LRFN5: variants seen among roughly 807,000 people sequenced by gnomAD.
The protein encoded by LRFN5 is leucine-rich repeat and fibronectin type-III domain-containing protein 5.
A neutral mutation model predicts 45.6 loss-of-function variants in LRFN5; 24 were observed. The ratio of observed to expected loss-of-function variants is 0.53; its 90% confidence interval spans 0.38 to 0.74. The LOEUF is 0.74. LRFN5 is among the 30% of genes least tolerant of loss of function. The probability of loss-of-function intolerance (pLI) is 0.00; values close to 1 mark genes in which losing one functional copy is unlikely to be tolerated. For synonymous variants in LRFN5, 340 were observed against 313.8 expected (o/e 1.08, Z -0.88); for missense variants, 776 against 861.5 (o/e 0.90, Z 1.24).
intron 1 of LRFN5, among the ~76,000 whole-genome samples, chr14:41,609,806 G>C (rs1196278380): frequency 6.6e-6 from 1 of 152,316 alleles, no homozygotes. Context: ...GGGGCTGCTG[G>C]GGGGCGGGGG....
At chr14:41,752,906 A>G (rs1029431263) in intron 1 of LRFN5, among the ~76,000 whole-genome samples, 3 of 152,162 alleles carry the variant, frequency 2.0e-5, no homozygotes, top group African/African-American at 7.2e-5. Context: ...TAGGTTTAAC[A>G]TTTAAGTCTT....
chr14:41,878,695 A>G (rs1890271018), intron 2 of LRFN5, among the ~76,000 whole-genome samples: 1 of 152,186 alleles, frequency 6.6e-6, no homozygotes, highest in South Asian at 2.1e-4. Context: ...TGTGTTGCTT[A>G]CATTTAACTA....
rs60722886 is a variant in LRFN5, at chr14:41,739,385, AATCATC to A, written c.-196-27435_-196-27430del. 9.7e-3 allele frequency among the ~76,000 whole-genome samples: 1,439 copies of A among 148,418 alleles called. 18 individuals carry two copies. The highest frequency in any genetic ancestry group is 0.029 in the African/African-American group (1,148 of 40,246). ...GAGTGGCAGAGCCAGACATTGTGTC[AATCATC>A]ATCATCATCATCATCATCATCATCA... On this transcript the variant is annotated intron_variant, in intron 1 of 5. Coordinates refer to ENST00000298119, the MANE Select transcript of LRFN5 (RefSeq NM_152447.5).
chr14:41,659,398 T>G (rs915957911), intron 1 of LRFN5, among the ~76,000 whole-genome samples: 2 of 152,142 alleles, frequency 1.3e-5, no homozygotes, highest in African/African-American at 4.8e-5. Context: ...TTTTTAAGGC[T>G]GCATAGTATT....
intron 1 of LRFN5, among the ~76,000 whole-genome samples, chr14:41,614,304 A>C (rs1887860059): frequency 6.6e-6 from 1 of 152,074 alleles, no homozygotes; most frequent in African/African-American, 2.4e-5. Context: ...ATTAATATTT[A>C]CAAATATTTT....
At chr14:41,853,818 G>A (rs1201839510) in intron 2 of LRFN5, among the ~76,000 whole-genome samples, 1 of 152,108 alleles carries the variant, frequency 6.6e-6, no homozygotes, top group Non-Finnish European at 1.5e-5. Flanking sequence ...GTATAGCAAT[G>A]TTTAGATACC....
At chr14:41,612,017 C>T (rs957108542) in intron 1 of LRFN5, among the ~76,000 whole-genome samples, 10 of 152,134 alleles carry the variant, frequency 6.6e-5, no homozygotes, top group African/African-American at 2.4e-4. Context: ...TGTTTTATCA[C>T]TCTTTCATCT....
At chr14:41,656,332 C>T (rs1324507681) in intron 1 of LRFN5, among the ~76,000 whole-genome samples, 1 of 151,982 alleles carries the variant, frequency 6.6e-6, no homozygotes, top group Non-Finnish European at 1.5e-5. Context: ...TTATGCTAAT[C>T]CTACCCACTT....
chr14:41,707,601 AAATAT>A (rs891764797), intron 1 of LRFN5, among the ~76,000 whole-genome samples: 5 of 152,110 alleles, frequency 3.3e-5, no homozygotes, highest in African/African-American at 4.8e-5. Flanking sequence ...ATATATACTA[AAATAT>A]ACTTCTGGAC....
chr14:41,724,673 A>G (rs1883855922), intron 1 of LRFN5, among the ~76,000 whole-genome samples: 1 of 152,154 alleles, frequency 6.6e-6, no homozygotes, highest in South Asian at 2.1e-4. Context: ...ATTTTCAAGA[A>G]TGTGTTATGA....
At chr14:41,766,110 C>T (rs895461345) in intron 1 of LRFN5, among the ~76,000 whole-genome samples, 2 of 152,062 alleles carry the variant, frequency 1.3e-5, no homozygotes, top group Non-Finnish European at 2.9e-5. Context: ...AATTACAATG[C>T]TTTTATTAAT....
In LRFN5 at chr14:41,723,417, C is replaced by T. The variant is rs552287900; in HGVS notation, c.-196-43437C>T. Among the ~76,000 whole-genome samples the T allele has an allele frequency of 2.6e-5, 4 of 152,310 alleles. 1 individual carries two copies. Among genetic ancestry groups the T allele is most frequent in the African/African-American group, 9.6e-5 (4 of 41,572 alleles). On this transcript the variant is annotated intron_variant, in intron 1 of 5. Coordinates refer to ENST00000298119, the MANE Select transcript of LRFN5 (RefSeq NM_152447.5). ...ACCAGGCAAGCAGGTTCTCAGAATG[C>T]CTGGAGCTCTGACCAAGTATGAGGA...
rs1280208734 is a variant in LRFN5 at position 41,786,778 on chromosome 14, G to A, written c.-21+19749G>A. 3.9e-5 allele frequency among the ~76,000 whole-genome samples: 6 copies of A among 151,990 alleles called. 1 individual carries two copies. The highest frequency in any genetic ancestry group is 6.8e-3 in the Middle Eastern group (2 of 294). On this transcript the variant is annotated intron_variant, in intron 2 of 5. Coordinates refer to ENST00000298119, the MANE Select transcript of LRFN5 (RefSeq NM_152447.5). ...CTCTGGAGTCTCACAGGACACTGAT[G>A]CACGATACCTTTTTATTTCTTTATT...
At chr14:41,772,601 C>A (rs1416240743) in intron 2 of LRFN5, among the ~76,000 whole-genome samples, 1 of 152,100 alleles carries the variant, frequency 6.6e-6, no homozygotes, top group East Asian at 1.9e-4. Flanking sequence ...ATAAAAAATT[C>A]TTTATAATGG....
At chr14:41,753,884 T>TATG (rs1463775977) in intron 1 of LRFN5, among the ~76,000 whole-genome samples, 6 of 151,114 alleles carry the variant, frequency 4.0e-5, no homozygotes, top group East Asian at 2.0e-4. Flanking sequence ...GCCCATTCAG[T>TATG]ATATTGGCTG....
chr14:41,701,417 A>T (rs1882836811), intron 1 of LRFN5: 2 of 152,208 alleles, frequency 1.3e-5, no homozygotes, highest in South Asian at 4.1e-4. Context: ...CAGACCAAAA[A>T]TATATAGTGA....
chr14:41,849,410 T>C lies in LRFN5; in HGVS notation c.-20-37196T>C, dbSNP rs144156857. On this transcript the variant is annotated intron_variant, in intron 2 of 5. Coordinates refer to ENST00000298119, the MANE Select transcript of LRFN5 (RefSeq NM_152447.5). ...TGTTTAAAACATTTCAACACATTTT[T>C]ATAAGGTAGCATCAGATTTTCTTAG... is the stretch of plus-strand genomic sequence containing the variant. 3.1e-3 allele frequency among the ~76,000 whole-genome samples: 471 copies of C among 151,956 alleles called. 5 individuals are homozygous for C. Among genetic ancestry groups the C allele is most frequent in the African/African-American group, 0.011 (453 of 41,482 alleles).
chr14:41,712,720 T>G (rs1468618807), intron 1 of LRFN5, among the ~76,000 whole-genome samples: 1 of 152,120 alleles, frequency 6.6e-6, no homozygotes, highest in East Asian at 1.9e-4. Flanking sequence ...ACAGGCTATT[T>G]TATGCTAATA....
At chr14:41,611,221 G>A (rs1466360179) in intron 1 of LRFN5, among the ~76,000 whole-genome samples, 3 of 152,204 alleles carry the variant, frequency 2.0e-5, no homozygotes, top group Non-Finnish European at 4.4e-5. Flanking sequence ...ACTCATTGGT[G>A]CAGATTGGAG....
Sources: allele counts gnomAD v4.1 joint callset (sites outside exome capture counted in the v4.1 genomes callset), GRCh38; gene constraint gnomAD v4.1.1; transcripts MANE v1.5; gene names NCBI Gene and HGNC (gene_info 2026-07-23, HGNC 2026-07-21).